The following FRMD3 variants were observed in gnomAD, a reference collection of about 807,000 sequenced individuals.
The protein encoded by FRMD3 is FERM domain containing 3.
In FRMD3, 33 loss-of-function variants were observed where a neutral mutation model predicts 70.2. That is an observed-to-expected ratio of 0.47 (90% CI 0.36 to 0.63). FRMD3 has a LOEUF of 0.63. Among genes scored for constraint, FRMD3 ranks in the 20% least tolerant of loss-of-function variants. The pLI is 0.00. For synonymous variants in FRMD3, 279 were observed against 255.9 expected (o/e 1.09, Z -0.86); for missense variants, 632 against 711.4 (o/e 0.89, Z 1.27).
chr9:83,467,683 G>A, intron 1 of FRMD3: 2 of 1,535,180 alleles, frequency 1.3e-6, no homozygotes, highest in South Asian at 2.4e-5. Context: ...GCAGTGCCGT[G>A]ATCTGCTAGT....
At chr9:83,553,560 T>C in the FRMD3 span, among the ~76,000 whole-genome samples, 1 of 152,208 alleles carries the variant, frequency 6.6e-6, no homozygotes, top group South Asian at 2.1e-4. Flanking sequence ...TGTTCATTCA[T>C]CTCTTTTTTC....
At chr9:83,516,798 A>G (rs1829464402) in intron 1 of FRMD3, among the ~76,000 whole-genome samples, 1 of 152,254 alleles carries the variant, frequency 6.6e-6, no homozygotes, top group Non-Finnish European at 1.5e-5. Context: ...CAATCAAATT[A>G]GAACTCAGGA....
chr9:83,430,402 A>G (rs1826938640), intron 1 of FRMD3, among the ~76,000 whole-genome samples: 1 of 152,322 alleles, frequency 6.6e-6, no homozygotes, highest in Admixed American at 6.5e-5. Context: ...TTATCCCTGT[A>G]CATGTGTATA....
chr9:83,527,587 A>C (rs1368723880), intron 1 of FRMD3, among the ~76,000 whole-genome samples: 2 of 152,216 alleles, frequency 1.3e-5, no homozygotes, highest in Non-Finnish European at 2.9e-5. Context: ...TCCACAGACC[A>C]GCCACACAAG....
At chr9:83,415,442 CTTT>C (rs541899087) in intron 1 of FRMD3, among the ~76,000 whole-genome samples, 11 of 124,582 alleles carry the variant, frequency 8.8e-5, no homozygotes, top group Admixed American at 8.4e-5. Flanking sequence ...AAAGGAAATT[CTTT>C]TTTTTTTTTT....
At chr9:83,386,886 T>G (rs1473717609) in intron 2 of FRMD3, among the ~76,000 whole-genome samples, 1 of 152,188 alleles carries the variant, frequency 6.6e-6, no homozygotes. Context: ...GCCTGATGTT[T>G]TCTCAATATT....
At chr9:83,272,239 G>T (rs1488884117) in intron 13 of FRMD3, among the ~76,000 whole-genome samples, 1 of 151,676 alleles carries the variant, frequency 6.6e-6, no homozygotes, top group Non-Finnish European at 1.5e-5. Flanking sequence ...CAGTGCCTGG[G>T]ATTGCAGGCG....
intron 1 of FRMD3, among the ~76,000 whole-genome samples, chr9:83,406,590 C>A (rs1283247935): frequency 6.6e-6 from 1 of 152,330 alleles, no homozygotes; most frequent in South Asian, 2.1e-4. Flanking sequence ...AAGACAAGGT[C>A]CTGATGATAA....
chr9:83,500,836 G>A (rs982068132), intron 1 of FRMD3, among the ~76,000 whole-genome samples: 4 of 152,292 alleles, frequency 2.6e-5, no homozygotes, highest in Non-Finnish European at 5.9e-5. Context: ...TAGCTTCTCT[G>A]CAGCATTTTC....
chr9:83,564,399 A>G, the FRMD3 span, among the ~76,000 whole-genome samples: 5 of 152,192 alleles, frequency 3.3e-5, no homozygotes, highest in African/African-American at 1.2e-4. Flanking sequence ...GAAGTCACCA[A>G]TGTCAAGGCC....
intron 6 of FRMD3, among the ~76,000 whole-genome samples, chr9:83,323,705 G>A (rs1157487796): frequency 2.0e-5 from 3 of 152,070 alleles, no homozygotes. Flanking sequence ...CTAGCCTCTG[G>A]TATTCAGTTA....
the FRMD3 span, among the ~76,000 whole-genome samples, chr9:83,572,500 G>A: frequency 1.3e-5 from 2 of 152,222 alleles, no homozygotes; most frequent in Non-Finnish European, 2.9e-5. Flanking sequence ...GAAAGAATAT[G>A]TAGTTATCCC....
At chr9:83,292,717 G>A (rs936800567) in intron 12 of FRMD3, among the ~76,000 whole-genome samples, 62 of 151,618 alleles carry the variant, frequency 4.1e-4, no homozygotes, top group African/African-American at 1.3e-3. Context: ...GTACGATCTC[G>A]GCTCACTACA....
intron 1 of FRMD3, among the ~76,000 whole-genome samples, chr9:83,509,871 C>T (rs1829298109): frequency 6.6e-6 from 1 of 152,114 alleles, no homozygotes; most frequent in African/African-American, 2.4e-5. Context: ...CGCACATTCT[C>T]TGTGTGGTGG....
intron 1 of FRMD3, among the ~76,000 whole-genome samples, chr9:83,494,541 C>T (rs1828896423): frequency 6.6e-6 from 1 of 152,038 alleles, no homozygotes; most frequent in Non-Finnish European, 1.5e-5. Flanking sequence ...GCAGGTTTTG[C>T]TTTCATTCTT....
At chr9:83,372,867 C>T (rs766769827) in intron 3 of FRMD3, 46 bp downstream of exon 3, 1 of 1,532,872 alleles carries the variant, frequency 6.5e-7, no homozygotes, top group Non-Finnish European at 9.0e-7. Flanking sequence ...CAGTATCTAT[C>T]TTTGGACACA....
the FRMD3 span, among the ~76,000 whole-genome samples, chr9:83,550,819 T>A: frequency 6.6e-6 from 1 of 152,012 alleles, no homozygotes; most frequent in Non-Finnish European, 1.5e-5. Context: ...TTTTTGTACA[T>A]TGATTTTGTA....
chr9:83,511,534 C>T (rs1388517304), intron 1 of FRMD3, among the ~76,000 whole-genome samples: 1 of 152,160 alleles, frequency 6.6e-6, no homozygotes, highest in African/African-American at 2.4e-5. Flanking sequence ...AAAATACTCA[C>T]AAGCACCAAG....
intron 1 of FRMD3, among the ~76,000 whole-genome samples, chr9:83,481,050 A>G (rs1442451856): frequency 6.6e-6 from 1 of 152,256 alleles, no homozygotes; most frequent in Non-Finnish European, 1.5e-5. Context: ...ATGCAAGAAA[A>G]TTAAATAGAA....
Sources: allele counts gnomAD v4.1 joint callset (sites outside exome capture counted in the v4.1 genomes callset), GRCh38; gene constraint gnomAD v4.1.1; transcripts MANE v1.5; gene names NCBI Gene and HGNC (gene_info 2026-07-23, HGNC 2026-07-21).